The following EPHA6 variants were observed in gnomAD, a reference collection of about 807,000 sequenced individuals.
EPHA6 encodes ephrin type-A receptor 6.
EPHA6 carries 50 observed loss-of-function variants against 112.0 expected under a neutral mutation model. That is an observed-to-expected ratio of 0.45 (90% CI 0.36 to 0.56). The LOEUF (loss-of-function observed/expected upper bound fraction) is 0.56, where lower values mean the gene tolerates loss of function less well. Among genes scored for constraint, EPHA6 ranks in the 20% least tolerant of loss-of-function variants. The pLI is 0.00. For missense variants in EPHA6, 1,280 were observed against 1,417.4 expected (o/e 0.90, Z 1.56); for synonymous variants, 529 against 490.7 (o/e 1.08, Z -1.03).
intron 3 of EPHA6, among the ~76,000 whole-genome samples, chr3:97,129,746 G>T (rs565940868): frequency 6.6e-6 from 1 of 152,228 alleles, no homozygotes; most frequent in South Asian, 2.1e-4. Flanking sequence ...GAGCAGCAGG[G>T]TTGGGGAGTT....
chr3:97,271,381 C>T (rs775047169), intron 5 of EPHA6, among the ~76,000 whole-genome samples: 11 of 152,334 alleles, frequency 7.2e-5, no homozygotes, highest in Non-Finnish European at 1.3e-4. Context: ...ATTTTTGAGA[C>T]GGAGTCTCGC....
intron 7 of EPHA6, among the ~76,000 whole-genome samples, chr3:97,474,304 A>T (rs1249646043): frequency 6.6e-6 from 1 of 151,880 alleles, no homozygotes; most frequent in African/African-American, 2.4e-5. Flanking sequence ...GATAAGATTA[A>T]TAGATATTAT....
At chr3:96,932,134 G>A (rs930236504) in intron 2 of EPHA6, among the ~76,000 whole-genome samples, 4 of 152,122 alleles carry the variant, frequency 2.6e-5, no homozygotes, top group African/African-American at 7.2e-5. Context: ...ATTCCAGGGT[G>A]GGCCATCACT....
intron 3 of EPHA6, among the ~76,000 whole-genome samples, chr3:97,182,715 T>C (rs1382180083): frequency 6.6e-6 from 1 of 152,164 alleles, no homozygotes; most frequent in Non-Finnish European, 1.5e-5. Context: ...TGAATACCTT[T>C]AAGACAGATG....
intron 3 of EPHA6, among the ~76,000 whole-genome samples, chr3:97,115,730 A>G (rs535644273): frequency 4.6e-5 from 7 of 151,836 alleles, no homozygotes; most frequent in South Asian, 2.1e-4. Context: ...TGTAATTGCA[A>G]TCATTGCATA....
At chr3:97,342,450 G>A (rs2083352885) in intron 5 of EPHA6, among the ~76,000 whole-genome samples, 1 of 152,126 alleles carries the variant, frequency 6.6e-6, no homozygotes, top group Admixed American at 6.5e-5. Flanking sequence ...TTTGATTTTT[G>A]CCTGTATACT....
At chr3:97,676,683 A>G (rs2107671463) in intron 14 of EPHA6, among the ~76,000 whole-genome samples, 1 of 152,312 alleles carries the variant, frequency 6.6e-6, no homozygotes, top group South Asian at 2.1e-4. Flanking sequence ...TAGAGAAGAG[A>G]GACTGGAGCA....
intron 13 of EPHA6, among the ~76,000 whole-genome samples, chr3:97,621,513 G>T (rs1447790675): frequency 6.6e-6 from 1 of 151,834 alleles, no homozygotes; most frequent in Non-Finnish European, 1.5e-5. Context: ...CTTGGCTAAA[G>T]TTGAACATCT....
chr3:97,704,642 TA>T (rs2033582087), intron 14 of EPHA6, among the ~76,000 whole-genome samples: 1 of 152,202 alleles, frequency 6.6e-6, no homozygotes, highest in African/African-American at 2.4e-5. Flanking sequence ...CCCTAATACA[TA>T]AATTTAAAGT....
At chr3:97,685,084 T>C (rs1020487298) in intron 14 of EPHA6, among the ~76,000 whole-genome samples, 2 of 152,134 alleles carry the variant, frequency 1.3e-5, no homozygotes, top group African/African-American at 2.4e-5. Flanking sequence ...TGATAGGTTT[T>C]CCCAAATTTA....
chr3:97,620,602 T>A lies in EPHA6; in HGVS notation c.2574+9748T>A, dbSNP rs576337457. Among the ~76,000 whole-genome samples the A allele has an allele frequency of 4.6e-5, 7 of 151,756 alleles. No homozygotes were observed. The East Asian group carries it at 7.8e-4, about 17-fold the overall frequency. On this transcript the variant is annotated intron_variant, in intron 13 of 17. Coordinates refer to ENST00000389672, the MANE Select transcript of EPHA6 (RefSeq NM_001080448.3). ...AGCAAACAACCCCATTAAAAACTGG[T>A]CAAAGGACATGAACAGACATGTAAA...
intron 5 of EPHA6, among the ~76,000 whole-genome samples, chr3:97,386,013 A>G (rs1577190653): frequency 6.6e-6 from 1 of 152,060 alleles, no homozygotes; most frequent in Non-Finnish European, 1.5e-5. Flanking sequence ...ACGTCATTCC[A>G]CCCTTGGCCC....
At chr3:96,985,465 G>A (rs1295889478) in intron 2 of EPHA6, among the ~76,000 whole-genome samples, 1 of 151,924 alleles carries the variant, frequency 6.6e-6, no homozygotes, top group Non-Finnish European at 1.5e-5. Context: ...TTATATTGTG[G>A]TTCCAATGAG....
chr3:97,108,314 T>C (rs2047626409), intron 3 of EPHA6, among the ~76,000 whole-genome samples: 2 of 152,198 alleles, frequency 1.3e-5, no homozygotes, highest in African/African-American at 4.8e-5. Context: ...TTAAAATCAA[T>C]CAATGGATGC....
At chr3:96,845,797 C>T (rs1486986417) in intron 1 of EPHA6, among the ~76,000 whole-genome samples, 1 of 151,884 alleles carries the variant, frequency 6.6e-6, no homozygotes, top group Non-Finnish European at 1.5e-5. Context: ...TTCCCTGATT[C>T]AGAACTGGCT....
At chr3:97,333,989 C>T (rs921364826) in intron 5 of EPHA6, among the ~76,000 whole-genome samples, 3 of 152,084 alleles carry the variant, frequency 2.0e-5, no homozygotes, top group Non-Finnish European at 4.4e-5. Context: ...CCATTCCTAA[C>T]TTGCTGAGTG....
At chr3:97,692,800 A>T (rs573466988) in intron 14 of EPHA6, among the ~76,000 whole-genome samples, 47 of 152,314 alleles carry the variant, frequency 3.1e-4, no homozygotes, top group African/African-American at 9.9e-4. Context: ...TTTTCAAATT[A>T]AAAAATACAT....
At chr3:97,139,742 G>GAAAACAATAT (rs1376704930) in intron 3 of EPHA6, among the ~76,000 whole-genome samples, 2 of 152,082 alleles carry the variant, frequency 1.3e-5, no homozygotes, top group South Asian at 2.1e-4. Context: ...CAGATGAGAA[G>GAAAACAATAT]AAAACAATAT....
chr3:96,873,775 A>G (rs553388561), intron 2 of EPHA6, among the ~76,000 whole-genome samples: 42 of 152,252 alleles, frequency 2.8e-4, no homozygotes, highest in African/African-American at 8.4e-4. Context: ...TAGAGATTTA[A>G]TTCTGTATGT....
Sources: allele counts gnomAD v4.1 joint callset (sites outside exome capture counted in the v4.1 genomes callset), GRCh38; gene constraint gnomAD v4.1.1; transcripts MANE v1.5; gene names NCBI Gene and HGNC (gene_info 2026-07-23, HGNC 2026-07-21).